Variants in ZBTB8A observed in about 807,000 individuals in gnomAD.
The protein encoded by ZBTB8A is zinc finger and BTB domain containing 8A.
ZBTB8A carries 19 observed loss-of-function variants against 37.8 expected under a neutral mutation model. The ratio of observed to expected loss-of-function variants is 0.50; its 90% CI spans 0.35 to 0.74. The LOEUF (loss-of-function observed/expected upper bound fraction) is 0.74, where lower values mean the gene tolerates loss of function less well. Among genes scored for constraint, ZBTB8A ranks in the 30% least tolerant of loss-of-function variants. ZBTB8A has a pLI of 0.01. For synonymous variants in ZBTB8A, 181 were observed against 185.2 expected, an observed-to-expected ratio of 0.98 and a Z score of 0.19; for missense variants, 394 against 537.8, an observed-to-expected ratio of 0.73 and a Z score of 2.65.
intron 2 of ZBTB8A, among the ~76,000 whole-genome samples, chr1:32,572,704 C>T (rs1280513738): frequency 6.6e-6 from 1 of 152,054 alleles, no homozygotes; most frequent in East Asian, 1.9e-4. Flanking sequence ...GCCTCTTATA[C>T]TAATTTTGAT....
At chr1:32,583,486 T>G (rs190687408) in intron 2 of ZBTB8A, among the ~76,000 whole-genome samples, 48 of 152,016 alleles carry the variant, frequency 3.2e-4, no homozygotes, top group African/African-American at 1.1e-3. Context: ...CTAGATTAGA[T>G]TATTCCAGTA....
At chr1:32,586,067 C>T (rs1038172756) in intron 2 of ZBTB8A, among the ~76,000 whole-genome samples, 5 of 151,546 alleles carry the variant, frequency 3.3e-5, no homozygotes, top group African/African-American at 1.2e-4. Context: ...CCTGTAATGT[C>T]AGCACTTTGG....
chr1:32,604,453 C>T lies in ZBTB8A; in HGVS notation c.*4034C>T, dbSNP rs1570383380. On this transcript the variant is annotated 3_prime_UTR_variant, in exon 5 of 5. Coordinates refer to ENST00000373510, the MANE Select transcript of ZBTB8A (RefSeq NM_001040441.3). ...ACAACTTCCTGAATTCCCTTTGAGC[C>T]TTGCAGCCTCATTTCGTTACTCCTG... The T allele has an allele frequency of 6.6e-6, 1 of 152,128 alleles. No homozygotes were observed. Among genetic ancestry groups the T allele is most frequent in the Admixed American group, 6.6e-5 (1 of 15,262 alleles). 9.4% of individuals were successfully genotyped at this position (152,128 alleles called of 1,614,324 possible).
At chr1:32,592,830 C>T in intron 2 of ZBTB8A, 101 bp from the exon 3 acceptor site, 1 of 962,544 alleles carries the variant, frequency 1.0e-6, no homozygotes, top group Non-Finnish European at 1.5e-6. Context: ...GATCACACCA[C>T]TGCACTGCAG....
chr1:32,568,085 G>A (rs963479026), intron 2 of ZBTB8A, among the ~76,000 whole-genome samples: 30 of 151,102 alleles, frequency 2.0e-4, no homozygotes, highest in African/African-American at 7.0e-4. Context: ...GGAGGCAGAG[G>A]TTGTAGTGAG....
chr1:32,546,596 G>A (rs1027767250), intron 1 of ZBTB8A, among the ~76,000 whole-genome samples: 3 of 152,044 alleles, frequency 2.0e-5, no homozygotes, highest in Non-Finnish European at 4.4e-5. Flanking sequence ...AGCCAAGATC[G>A]TACCACTGCA....
At chr1:32,571,174 C>A (rs769611577) in intron 2 of ZBTB8A, among the ~76,000 whole-genome samples, 17 of 152,188 alleles carry the variant, frequency 1.1e-4, no homozygotes, top group Admixed American at 5.9e-4. Context: ...CCACACCCGG[C>A]CTATGCCTGT....
At chr1:32,563,435 GGCTGACA>G (rs1644257850) in intron 2 of ZBTB8A, among the ~76,000 whole-genome samples, 1 of 151,970 alleles carries the variant, frequency 6.6e-6, no homozygotes. Context: ...TCCCCCCTAG[GGCTGACA>G]CCTTCTTTTT....
In ZBTB8A at chr1:32,584,485, A is replaced by ATTCTT. The variant is rs1321212843; in HGVS notation, c.-1-8443_-1-8439dup. ...TCAAACTCCTATACTAAACGTCATCATTCTTTTTTTCTTTCTTTCTTTCTT... is the reference window on the plus strand; with the variant it reads ...TCAAACTCCTATACTAAACGTCATCATTCTTTTCTTTTTTTCTTTCTTTCTTTCTT... On this transcript the variant is annotated intron_variant, in intron 2 of 4. Transcript: ENST00000373510. Among the ~76,000 whole-genome samples the ATTCTT allele has an allele frequency of 2.1e-4, 31 of 148,232 alleles. No homozygotes were observed. In the South Asian group the frequency reaches 6.7e-3, roughly 32 times the overall value.
chr1:32,575,205 C>G (rs1326376630), intron 2 of ZBTB8A, among the ~76,000 whole-genome samples: 1 of 105,412 alleles, frequency 9.5e-6, no homozygotes, highest in Non-Finnish European at 2.1e-5. Context: ...GTCTTTTGTT[C>G]TTTTTGTTTT....
At chr1:32,561,828 T>C (rs1644245758) in intron 2 of ZBTB8A, among the ~76,000 whole-genome samples, 1 of 152,192 alleles carries the variant, frequency 6.6e-6, no homozygotes, top group East Asian at 1.9e-4. Flanking sequence ...AGGTCTCCAG[T>C]GTAGGTACCA....
chr1:32,572,044 C>T (rs1013964181), intron 2 of ZBTB8A, among the ~76,000 whole-genome samples: 1 of 151,820 alleles, frequency 6.6e-6, no homozygotes, highest in Admixed American at 6.6e-5. Context: ...GCTGGGACTA[C>T]AGGTGCACAC....
intron 2 of ZBTB8A, among the ~76,000 whole-genome samples, chr1:32,591,281 G>T (rs1490662787): frequency 2.0e-5 from 3 of 151,664 alleles, no homozygotes; most frequent in African/African-American, 7.3e-5. Flanking sequence ...CATGATCATG[G>T]CTCACTGCAG....
intron 1 of ZBTB8A, among the ~76,000 whole-genome samples, chr1:32,550,861 G>A (rs113582306): frequency 0.11 from 17,153 of 149,740 alleles, 1,059 homozygotes; most frequent in African/African-American, 0.18. Flanking sequence ...GGAGGCTGAG[G>A]CAGGAGAATC....
At chr1:32,567,825 A>AAAAAC (rs376645237) in intron 2 of ZBTB8A, among the ~76,000 whole-genome samples, 42,613 of 63,082 alleles carry the variant, frequency 0.68, 15,272 homozygotes, top group South Asian at 0.73. Context: ...AAAAAAAAAC[A>AAAAAC]AAAACAAAAC....
chr1:32,557,753 C>T (rs1249726774), intron 2 of ZBTB8A, among the ~76,000 whole-genome samples: 6 of 152,110 alleles, frequency 3.9e-5, no homozygotes, highest in South Asian at 2.1e-4. Context: ...TGTAAGCCAC[C>T]GCGCCTGGTC....
intron 2 of ZBTB8A, among the ~76,000 whole-genome samples, chr1:32,565,808 CT>C (rs753639879): frequency 3.3e-5 from 5 of 152,058 alleles, no homozygotes; most frequent in Non-Finnish European, 5.9e-5. Flanking sequence ...ACATTATGCA[CT>C]GTGCTAGGGA....
intron 2 of ZBTB8A, among the ~76,000 whole-genome samples, chr1:32,572,143 T>G (rs1644327111): frequency 6.6e-6 from 1 of 152,140 alleles, no homozygotes; most frequent in Non-Finnish European, 1.5e-5. Flanking sequence ...GTCTTTGGTT[T>G]AGGTATCAGA....
At chr1:32,590,313 C>T (rs775667938) in intron 2 of ZBTB8A, among the ~76,000 whole-genome samples, 1 of 152,018 alleles carries the variant, frequency 6.6e-6, no homozygotes, top group Non-Finnish European at 1.5e-5. Context: ...CAAGGCAAAC[C>T]ACTGGGCTTC....
Sources: allele counts gnomAD v4.1 joint callset (sites outside exome capture counted in the v4.1 genomes callset), GRCh38; gene constraint gnomAD v4.1.1; transcripts MANE v1.5; gene names NCBI Gene and HGNC (gene_info 2026-07-23, HGNC 2026-07-21).